The following TTC21B variants were observed in gnomAD, a reference collection of about 807,000 sequenced individuals.
TTC21B encodes tetratricopeptide repeat protein 21B.
In TTC21B, 127 loss-of-function variants were observed where a neutral mutation model predicts 175.1. That is an observed-to-expected ratio of 0.73 (90% CI 0.63 to 0.84). The LOEUF (loss-of-function observed/expected upper bound fraction) is 0.84, where lower values mean the gene tolerates loss of function less well. Among genes scored for constraint, TTC21B ranks in the 40% least tolerant of loss-of-function variants. The pLI is 0.00. For missense variants in TTC21B, 1,561 were observed against 1,558.3 expected, an observed-to-expected ratio of 1.00 and a Z score of -0.03; for synonymous variants, 524 against 524.5, an observed-to-expected ratio of 1.00 and a Z score of 0.01.
At chr2:165,889,934 T>C (rs529799481) in intron 24 of TTC21B, among the ~76,000 whole-genome samples, 1 of 152,282 alleles carries the variant, frequency 6.6e-6, no homozygotes, top group South Asian at 2.1e-4. Flanking sequence ...GAGGACAAGC[T>C]ACTAATGCAG....
intron 22 of TTC21B, among the ~76,000 whole-genome samples, chr2:165,895,149 A>G (rs1375689921): frequency 6.6e-6 from 1 of 152,260 alleles, no homozygotes; most frequent in African/African-American, 2.4e-5. Context: ...AAAAGGGATA[A>G]GGAAGCTAAA....
At chr2:165,901,634 T>C in intron 20 of TTC21B, 88 bp downstream of exon 20, 5 of 1,353,172 alleles carry the variant, frequency 3.7e-6, no homozygotes, top group Non-Finnish European at 5.3e-6. Context: ...ACATCTTCTT[T>C]TAAAATAAGC....
intron 11 of TTC21B, among the ~76,000 whole-genome samples, chr2:165,927,014 A>ATATATATATC (rs1385347841): frequency 8.8e-6 from 1 of 113,018 alleles, no homozygotes; most frequent in African/African-American, 3.4e-5. Flanking sequence ...ATATATATAT[A>ATATATATATC]TATCTCCTAG....
At chr2:165,953,218 C>T (rs1687813794) in intron 1 of TTC21B, among the ~76,000 whole-genome samples, 1 of 152,288 alleles carries the variant, frequency 6.6e-6, no homozygotes, top group East Asian at 1.9e-4. Flanking sequence ...CAGTGATAAA[C>T]AGAGAAGACC....
At chr2:165,931,892 A>G (rs1237478587) in intron 7 of TTC21B, 36 bp from the exon 8 acceptor site, 2 of 1,417,362 alleles carry the variant, frequency 1.4e-6, no homozygotes, top group African/African-American at 1.4e-5. Flanking sequence ...CTTAAAATAT[A>G]CTAAGTAAAA....
Position 165,929,754 on chromosome 2 carries a change from T to C in TTC21B, c.1088-7A>G. On this transcript the variant is annotated splice_region_variant and splice_polypyrimidine_tract_variant and intron_variant, in intron 9 of 28. Transcript: ENST00000243344. The stretch of plus-strand genomic sequence containing the variant: ...AACTGACATTGGATAAATCCTAAAA[T>C]CAAACAGCAGAAAGACAGTCAAAGT... 1 of 1,596,756 alleles carries C rather than the reference T, an allele frequency of 6.3e-7. No homozygotes were observed. The highest frequency in any genetic ancestry group is 8.6e-7 in the Non-Finnish European group (1 of 1,166,100).
chr2:165,937,683 G>T (rs915316465), intron 6 of TTC21B, among the ~76,000 whole-genome samples: 3 of 151,152 alleles, frequency 2.0e-5, no homozygotes, highest in African/African-American at 7.3e-5. Context: ...CTCTTAAAGA[G>T]AAAAACAAGT....
At chr2:165,927,112 CCTAGTAGATATATATATATATA>C (rs1686677833) in intron 11 of TTC21B, among the ~76,000 whole-genome samples, 1 of 27,868 alleles carries the variant, frequency 3.6e-5, no homozygotes, top group Non-Finnish European at 5.8e-5. Context: ...ATATATATAT[CCTAGTAGATATATATATATATA>C]TATCCTAGTA....
At chr2:165,884,134 A>G in intron 25 of TTC21B, 116 bp from the exon 26 acceptor site, 3 of 821,898 alleles carry the variant, frequency 3.7e-6, no homozygotes, top group Non-Finnish European at 4.1e-6. Context: ...TTCTAGCTCC[A>G]TTACAGATAA....
chr2:165,890,228 T>G (rs1257253192), intron 24 of TTC21B, among the ~76,000 whole-genome samples: 1 of 152,204 alleles, frequency 6.6e-6, no homozygotes, highest in Admixed American at 6.5e-5. Flanking sequence ...CTATTATTAT[T>G]TAGGAAACCT....
chr2:165,887,580 G>C (rs916257089), intron 25 of TTC21B, among the ~76,000 whole-genome samples: 1 of 151,962 alleles, frequency 6.6e-6, no homozygotes, highest in Admixed American at 6.6e-5. Flanking sequence ...CCACATACTT[G>C]GGAGGCTGAG....
At chr2:165,923,272 G>C (rs941754468) in intron 12 of TTC21B, among the ~76,000 whole-genome samples, 1 of 151,850 alleles carries the variant, frequency 6.6e-6, no homozygotes, top group African/African-American at 2.4e-5. Context: ...AGAAAACAGA[G>C]GTCCAAGGAA....
rs750260308 is a variant in TTC21B at position 165,912,535 on chromosome 2, G to C, written c.2301C>G (p.Ile767Met). Residue 767 changes from isoleucine to methionine, a missense_variant, in exon 17 of 29, where the codon ATC (isoleucine) becomes ATG (methionine). Ile to Met is a conservative substitution (Grantham distance 10). Coordinates refer to ENST00000243344, the MANE Select transcript of TTC21B (RefSeq NM_024753.5). ...TLASKMGKAL[I>M]KTHNYSMAIT... is the part of the protein sequence containing the mutation. ...TTACCATTGAGTAGTTATGAGTTTT[G>C]ATAAGTGCTTTGCCCATTTTGCTTG... The C allele has an allele frequency of 6.2e-6, 10 of 1,613,868 alleles. No individual in the cohort carries two copies. The East Asian group carries it at 2.2e-4, about 36-fold the overall frequency.
chr2:165,913,696 T>G (rs748764819), intron 15 of TTC21B, 50 bp from the exon 16 acceptor site: 7 of 1,441,542 alleles, frequency 4.9e-6, no homozygotes. Context: ...GATATCTTCT[T>G]CCAAAAATAA....
Position 165,941,048 on chromosome 2 carries a change from T to C in TTC21B, c.689A>G (p.Gln230Arg), listed in dbSNP as rs1021255990. ...KLQLALQDWD[Q>R]TVETAQRLLL... is the part of the protein sequence containing the mutation. ...TAACCTTTGTGCTGTCTCAACTGTC[T>C]GGTCCCAATCCTGCAAGGCTAGTTG... Residue 230 changes from glutamine to arginine, a missense_variant, in exon 6 of 29, where the codon CAG becomes CGG. Transcript: ENST00000243344. The C allele has an allele frequency of 6.2e-7, 1 of 1,613,998 alleles. No individual in the cohort carries two copies. Among genetic ancestry groups the C allele is most frequent in the South Asian group, 1.1e-5 (1 of 91,082 alleles).
intron 12 of TTC21B, among the ~76,000 whole-genome samples, chr2:165,924,179 A>G (rs1686532380): frequency 6.6e-6 from 1 of 152,224 alleles, no homozygotes; most frequent in Non-Finnish European, 1.5e-5. Context: ...AGAATTACTC[A>G]GTACTTTTCA....
chr2:165,911,087 T>C (rs377698415), intron 18 of TTC21B, among the ~76,000 whole-genome samples: 3 of 152,148 alleles, frequency 2.0e-5, no homozygotes, highest in African/African-American at 7.2e-5. Flanking sequence ...AAGATAACTA[T>C]ATTATTTTGG....
intron 24 of TTC21B, among the ~76,000 whole-genome samples, chr2:165,888,804 G>A (rs1685092454): frequency 6.6e-6 from 1 of 152,000 alleles, no homozygotes. Flanking sequence ...AGTAGAATCA[G>A]AAAATTAACA....
intron 11 of TTC21B, among the ~76,000 whole-genome samples, chr2:165,926,135 G>A (rs554523236): frequency 2.0e-5 from 3 of 152,174 alleles, no homozygotes; most frequent in Non-Finnish European, 4.4e-5. Flanking sequence ...TATGAAAACA[G>A]TATCACATAT....
Sources: gnomAD v4.1 joint callset for allele counts (sites outside exome capture counted in the v4.1 genomes callset) on GRCh38, gnomAD v4.1.1 for gene constraint, MANE v1.5 for transcripts, NCBI Gene and HGNC (gene_info 2026-07-23, HGNC 2026-07-21) for gene names.